ARID1B: variants seen among roughly 807,000 people sequenced by gnomAD.
ARID1B encodes the protein AT-rich interactive domain-containing protein 1B.
In ARID1B, 30 loss-of-function variants were observed where a neutral mutation model predicts 212.3. That is an observed-to-expected ratio of 0.14 (90% confidence interval 0.11 to 0.19). ARID1B has a LOEUF of 0.19. Among genes scored for constraint, ARID1B ranks in the 10% least tolerant of loss-of-function variants. The probability of loss-of-function intolerance (pLI) is 1.00; values close to 1 mark genes in which losing one functional copy is unlikely to be tolerated. For missense variants in ARID1B, 2,891 were observed against 3,204.0 expected (o/e 0.90, Z 2.36); for synonymous variants, 1,402 against 1,301.7 (o/e 1.08, Z -1.66).
At chr6:157,112,526 A>G (rs949615221) in intron 6 of ARID1B, among the ~76,000 whole-genome samples, 1 of 152,186 alleles carries the variant, frequency 6.6e-6, no homozygotes, top group Non-Finnish European at 1.5e-5. Context: ...AGTTCTTTTT[A>G]TTTTAACAAG....
At chr6:156,993,712 G>A (rs1049104618) in intron 4 of ARID1B, among the ~76,000 whole-genome samples, 1 of 152,152 alleles carries the variant, frequency 6.6e-6, no homozygotes, top group Non-Finnish European at 1.5e-5. Flanking sequence ...TGACAAGCAT[G>A]GGTAGAACCA....
chr6:157,127,802 A>AAAAAC (rs1562641130), intron 6 of ARID1B, among the ~76,000 whole-genome samples: 1 of 144,784 alleles, frequency 6.9e-6, no homozygotes. Flanking sequence ...AAAAAAAAAA[A>AAAAAC]AAAACAAAAA....
chr6:157,132,675 C>T (rs769766540), intron 6 of ARID1B, among the ~76,000 whole-genome samples: 2 of 152,160 alleles, frequency 1.3e-5, no homozygotes, highest in African/African-American at 2.4e-5. Flanking sequence ...CTTTCAGGGG[C>T]AGAGGGTTTG....
rs537844658 is a variant in ARID1B at position 156,929,152 on chromosome 6, T to C, written c.2137-6314T>C. Among the ~76,000 whole-genome samples, 5 of 152,298 alleles carry C rather than the reference T, an allele frequency of 3.3e-5. No homozygotes were observed. The South Asian group carries it at 1.0e-3, about 32-fold the overall frequency. On this transcript the variant is annotated intron_variant, in intron 3 of 19. Transcript: ENST00000636930. ...AGCAACTATCTTGTGGTGGTGTCGT[T>C]AGGATGAACCGTGCACACTACCTCT...
At chr6:156,971,522 TATACTC>T (rs1311542161) in intron 4 of ARID1B, among the ~76,000 whole-genome samples, 1 of 152,212 alleles carries the variant, frequency 6.6e-6, no homozygotes, top group Non-Finnish European at 1.5e-5. Context: ...TTACTATTGC[TATACTC>T]ATTTGGAGGC....
rs192342911 is a variant in ARID1B at position 157,154,279 on chromosome 6, C to A, written c.3089+5328C>A. ...TCCTTAAGGCCTGCTACCCTAGCAC[C>A]TCACATATATAAATTTTGATCAAGT... On this transcript the variant is annotated intron_variant, in intron 8 of 19. Coordinates refer to ENST00000636930, the MANE Select transcript of ARID1B (RefSeq NM_001374828.1). 2.0e-5 allele frequency among the ~76,000 whole-genome samples: 3 copies of A among 152,248 alleles called. No homozygotes were observed. In the East Asian group the frequency reaches 5.8e-4, roughly 29 times the overall value.
chr6:156,809,017 A>C (rs1781378758), intron 1 of ARID1B, among the ~76,000 whole-genome samples: 1 of 152,190 alleles, frequency 6.6e-6, no homozygotes, highest in Non-Finnish European at 1.5e-5. Flanking sequence ...GTTTTTATTC[A>C]TTTTAGTAAT....
intron 9 of ARID1B, chr6:157,168,617 AC>A (rs1285985756): frequency 6.6e-6 from 1 of 152,158 alleles, no homozygotes; most frequent in Admixed American, 6.5e-5. Flanking sequence ...CTTCCTTTGG[AC>A]CCCAGAGCCA....
At chr6:156,856,256 A>G (rs901086700) in intron 2 of ARID1B, among the ~76,000 whole-genome samples, 3 of 152,228 alleles carry the variant, frequency 2.0e-5, no homozygotes, top group African/African-American at 7.2e-5. Flanking sequence ...CCACTATACC[A>G]ATGCCTAGAA....
At chr6:157,181,377 G>A (rs1299059189) in intron 12 of ARID1B, among the ~76,000 whole-genome samples, 199 bp downstream of exon 12, 3 of 152,130 alleles carry the variant, frequency 2.0e-5, no homozygotes, top group East Asian at 1.9e-4. Flanking sequence ...AACTCGCAGC[G>A]TGACCTCAGC....
chr6:156,781,138 CAT>C (rs1209804303), intron 1 of ARID1B, among the ~76,000 whole-genome samples: 1 of 151,854 alleles, frequency 6.6e-6, no homozygotes, highest in Non-Finnish European at 1.5e-5. Context: ...TTAGAATTGA[CAT>C]ATTTAAAAAA....
chr6:157,101,604 A>G (rs536051229), intron 5 of ARID1B, among the ~76,000 whole-genome samples: 49 of 152,302 alleles, frequency 3.2e-4, no homozygotes, highest in African/African-American at 1.0e-3. Context: ...ATCGAAGAAT[A>G]TAATTTAGGA....
At chr6:156,886,698 A>C (rs1458342013) in intron 2 of ARID1B, among the ~76,000 whole-genome samples, 2 of 152,240 alleles carry the variant, frequency 1.3e-5, no homozygotes, top group Non-Finnish European at 2.9e-5. Flanking sequence ...GAGTTGAACC[A>C]GTGGCCATTC....
chr6:156,979,912 A>G (rs745881448), intron 4 of ARID1B, among the ~76,000 whole-genome samples: 69 of 147,578 alleles, frequency 4.7e-4, no homozygotes, highest in Non-Finnish European at 8.8e-4. Flanking sequence ...TCACTCTTTT[A>G]CCCAGGCTGG....
intron 2 of ARID1B, among the ~76,000 whole-genome samples, chr6:156,870,887 T>C (rs1035592817): frequency 1.3e-5 from 2 of 152,236 alleles, no homozygotes; most frequent in Non-Finnish European, 2.9e-5. Flanking sequence ...TGCAGTAATA[T>C]TTAGTAATGA....
intron 4 of ARID1B, among the ~76,000 whole-genome samples, chr6:157,016,617 C>T (rs144929853): frequency 2.0e-5 from 3 of 152,276 alleles, no homozygotes; most frequent in Non-Finnish European, 4.4e-5. Context: ...GGCATGGTCT[C>T]ATTGTGAGTG....
chr6:157,042,517 T>C (rs1175785699), intron 4 of ARID1B, among the ~76,000 whole-genome samples: 16 of 152,144 alleles, frequency 1.1e-4, no homozygotes, highest in Non-Finnish European at 1.5e-5. Context: ...TAAAAATACA[T>C]GTGGAGAGGT....
chr6:156,934,486 T>C (rs879682516), intron 3 of ARID1B, among the ~76,000 whole-genome samples: 7 of 152,184 alleles, frequency 4.6e-5, no homozygotes, highest in Admixed American at 4.6e-4. Flanking sequence ...ATTCAGGTTT[T>C]TTGGGTGTGT....
intron 8 of ARID1B, chr6:157,150,705 G>A (rs1790133409): frequency 1.1e-5 from 2 of 176,686 alleles, no homozygotes; most frequent in Non-Finnish European, 2.4e-5. Flanking sequence ...CCAAGAAGCT[G>A]TTCTTCTGTT....
Sources: gnomAD v4.1 joint callset for allele counts (sites outside exome capture counted in the v4.1 genomes callset) on GRCh38, gnomAD v4.1.1 for gene constraint, MANE v1.5 for transcripts, NCBI Gene and HGNC (gene_info 2026-07-23, HGNC 2026-07-21) for gene names.